The following RAB3C variants were observed in gnomAD, a reference collection of about 807,000 sequenced individuals.
RAB3C encodes the protein ras-related protein Rab-3C.
Under a neutral mutation model 26.4 loss-of-function variants are expected in RAB3C, and 17 were observed. That is an observed-to-expected ratio of 0.64 (90% CI 0.44 to 0.97). The LOEUF (loss-of-function observed/expected upper bound fraction) is 0.97, where lower values mean the gene tolerates loss of function less well. RAB3C is among the 50% of genes least tolerant of loss of function. The pLI is 0.00. For synonymous variants in RAB3C, 91 were observed against 95.9 expected, an observed-to-expected ratio of 0.95 and a Z score of 0.30; for missense variants, 242 against 281.9, an observed-to-expected ratio of 0.86 and a Z score of 1.01.
intron 3 of RAB3C, among the ~76,000 whole-genome samples, chr5:58,778,223 T>C (rs1048579194): frequency 2.0e-5 from 3 of 152,158 alleles, no homozygotes; most frequent in African/African-American, 7.2e-5. Context: ...GCACTCTTCA[T>C]TAGCCAAGTT....
intron 3 of RAB3C, among the ~76,000 whole-genome samples, chr5:58,735,538 A>G (rs1741113541): frequency 6.6e-6 from 1 of 152,212 alleles, no homozygotes. Context: ...GCAGAAATAT[A>G]CTATGTCACA....
At chr5:58,718,767 T>C (rs1368912331) in intron 2 of RAB3C, among the ~76,000 whole-genome samples, 1 of 152,070 alleles carries the variant, frequency 6.6e-6, no homozygotes, top group Non-Finnish European at 1.5e-5. Context: ...GATGCTTGTA[T>C]AACTGAATAT....
At chr5:58,719,183 T>G (rs1406286545) in intron 2 of RAB3C, among the ~76,000 whole-genome samples, 1 of 152,064 alleles carries the variant, frequency 6.6e-6, no homozygotes, top group Non-Finnish European at 1.5e-5. Context: ...TTTTTTGTCA[T>G]ATCAAGCAAC....
In RAB3C at chr5:58,597,730, G is replaced by T. The variant is rs1161257312; in HGVS notation, c.24+14498G>T. Among the ~76,000 whole-genome samples, 3 of 122,846 alleles carry T rather than the reference G, an allele frequency of 2.4e-5. 1 individual carries two copies. Among genetic ancestry groups the T allele is most frequent in the Non-Finnish European group, 3.3e-5 (2 of 60,644 alleles). The allele number at this position is 122,846 out of a possible 152,430, so 80.6% of individuals were successfully genotyped here. A position where few individuals can be genotyped will look rare whatever the true frequency, so the allele number is the denominator to read the frequency against. ...ATATAATATAGTACATTATATATAAGTATATAACATATAATACATTATATA... is the reference window on the plus strand; with the variant it reads ...ATATAATATAGTACATTATATATAATTATATAACATATAATACATTATATA... On this transcript the variant is annotated intron_variant, in intron 1 of 4. Transcript: ENST00000282878.
At chr5:58,761,994 A>T (rs899130895) in intron 3 of RAB3C, among the ~76,000 whole-genome samples, 1 of 152,018 alleles carries the variant, frequency 6.6e-6, no homozygotes, top group Admixed American at 6.6e-5. Flanking sequence ...GCATTGACTA[A>T]TAGAAACATC....
intron 1 of RAB3C, among the ~76,000 whole-genome samples, chr5:58,599,652 C>T (rs1280291352): frequency 6.6e-6 from 1 of 152,034 alleles, no homozygotes; most frequent in Admixed American, 6.6e-5. Flanking sequence ...CTAGTAGGAA[C>T]AGTTTTCACA....
rs1442251362 is a variant in RAB3C at position 58,583,174 on chromosome 5, C to G, written c.-35C>G. 3.1e-6 allele frequency: 5 copies of G among 1,613,962 alleles called. No individual in the cohort carries two copies. Among genetic ancestry groups the G allele is most frequent in the Middle Eastern group, 1.7e-4 (1 of 6,056 alleles). On this transcript the variant is annotated 5_prime_UTR_variant, in exon 1 of 5. Transcript: ENST00000282878. ...GCTTGACCGGAAGCCCAGACCAGTG[C>G]GGTCCTAGCCAGAGAGAAAGGACAT...
chr5:58,722,457 GTTACT>G (rs1401495469), intron 2 of RAB3C, among the ~76,000 whole-genome samples: 3 of 150,560 alleles, frequency 2.0e-5, no homozygotes, highest in African/African-American at 7.3e-5. Context: ...GCCATTTAAA[GTTACT>G]TTACAATAGG....
At chr5:58,690,271 A>G (rs1485215222) in intron 2 of RAB3C, among the ~76,000 whole-genome samples, 2 of 152,200 alleles carry the variant, frequency 1.3e-5, no homozygotes, top group East Asian at 3.8e-4. Context: ...ATGGTAACTG[A>G]ATTCATTCCT....
chr5:58,667,732 A>C (rs1333212646), intron 2 of RAB3C, among the ~76,000 whole-genome samples: 1 of 150,584 alleles, frequency 6.6e-6, no homozygotes. Context: ...TATTTTACCA[A>C]AAGCTCTAAG....
intron 3 of RAB3C, among the ~76,000 whole-genome samples, chr5:58,777,532 T>C (rs969861438): frequency 6.6e-6 from 1 of 152,002 alleles, no homozygotes; most frequent in African/African-American, 2.4e-5. Context: ...CATTTAGTTA[T>C]AGATAATTTT....
At chr5:58,796,994 CACAG>C (rs943477986) in intron 3 of RAB3C, among the ~76,000 whole-genome samples, 3 of 151,700 alleles carry the variant, frequency 2.0e-5, no homozygotes, top group East Asian at 3.9e-4. Context: ...TACACACACA[CACAG>C]ACACACACAC....
At chr5:58,721,912 T>TA (rs1187751377) in intron 2 of RAB3C, among the ~76,000 whole-genome samples, 1 of 151,768 alleles carries the variant, frequency 6.6e-6, no homozygotes, top group African/African-American at 2.4e-5. Context: ...TGCTGTGACT[T>TA]ACGTACTATC....
At chr5:58,619,667 A>G (rs1014968764) in intron 2 of RAB3C, among the ~76,000 whole-genome samples, 4 of 152,176 alleles carry the variant, frequency 2.6e-5, no homozygotes, top group African/African-American at 9.7e-5. Context: ...AAGCATCAGC[A>G]TGGTGTGTTA....
chr5:58,630,314 C>A (rs906416652), intron 2 of RAB3C, among the ~76,000 whole-genome samples: 4 of 152,160 alleles, frequency 2.6e-5, no homozygotes, highest in Non-Finnish European at 4.4e-5. Context: ...TTTTTGAACT[C>A]ATTTCACCCT....
chr5:58,854,036 A>ACACACACACACAC lies in RAB3C; in HGVS notation c.*2685_*2686insCACACACACACAC, dbSNP rs1744175974. On this transcript the variant is annotated 3_prime_UTR_variant, in exon 5 of 5. Coordinates refer to ENST00000282878, the MANE Select transcript of RAB3C (RefSeq NM_138453.4). ...TCCAAGGTTTTTCAGCCTTTTGGCC[A>ACACACACACACAC]ACACACACACACACACACACACACA... 1 of 142,526 alleles carries ACACACACACACAC rather than the reference A, an allele frequency of 7.0e-6. No individual in the cohort carries two copies. Among genetic ancestry groups the ACACACACACACAC allele is most frequent in the African/African-American group, 2.6e-5 (1 of 37,754 alleles). 8.8% of individuals were successfully genotyped at this position (142,526 alleles called of 1,614,324 possible).
At chr5:58,697,050 G>C (rs1025366489) in intron 2 of RAB3C, among the ~76,000 whole-genome samples, 1 of 152,130 alleles carries the variant, frequency 6.6e-6, no homozygotes, top group Non-Finnish European at 1.5e-5. Context: ...GCTGTCTCTT[G>C]TGGGCATTTA....
intron 2 of RAB3C, among the ~76,000 whole-genome samples, chr5:58,723,821 A>G (rs1319417150): frequency 6.6e-6 from 1 of 151,844 alleles, no homozygotes; most frequent in Admixed American, 6.6e-5. Context: ...GAGAGTCCAG[A>G]TTGATGTCAG....
chr5:58,715,904 A>AT (rs1749160869), intron 2 of RAB3C, among the ~76,000 whole-genome samples: 1 of 152,058 alleles, frequency 6.6e-6, no homozygotes, highest in Non-Finnish European at 1.5e-5. Flanking sequence ...GGAAGAGTGA[A>AT]TTTAAAGAAA....
Sources: gnomAD v4.1 joint callset for allele counts (sites outside exome capture counted in the v4.1 genomes callset) on GRCh38, gnomAD v4.1.1 for gene constraint, MANE v1.5 for transcripts, NCBI Gene and HGNC (gene_info 2026-07-23, HGNC 2026-07-21) for gene names.